CACNA2D1: variants seen among roughly 807,000 people sequenced by gnomAD.
CACNA2D1 encodes the protein calcium voltage-gated channel auxiliary subunit alpha2delta 1.
A neutral mutation model predicts 171.5 loss-of-function variants in CACNA2D1; 53 were observed. The ratio of observed to expected loss-of-function variants is 0.31; its 90% CI spans 0.25 to 0.39. The LOEUF (loss-of-function observed/expected upper bound fraction) is 0.39. Ranked by LOEUF, CACNA2D1 falls within the 10% of genes least tolerant of loss-of-function variation. The pLI, the probability that CACNA2D1 is intolerant of heterozygous loss-of-function variation, is 1.00. For missense variants in CACNA2D1, 903 were observed against 1,299.8 expected (o/e 0.69, Z 4.69); for synonymous variants, 442 against 443.1 (o/e 1.00, Z 0.03).
chr7:82,333,020 G>A (rs530578136), intron 3 of CACNA2D1, among the ~76,000 whole-genome samples: 1 of 152,058 alleles, frequency 6.6e-6, no homozygotes, highest in East Asian at 1.9e-4. Context: ...AAGAATAAGA[G>A]GAGCTAAACT....
chr7:81,982,452 T>A, intron 24 of CACNA2D1, 115 bp downstream of exon 24: 1 of 721,512 alleles, frequency 1.4e-6, no homozygotes, highest in Non-Finnish European at 2.5e-6. Context: ...AATTATTTCC[T>A]TTGATTCCAT....
At chr7:81,991,584 G>C (rs1287249064) in intron 20 of CACNA2D1, among the ~76,000 whole-genome samples, 2 of 152,162 alleles carry the variant, frequency 1.3e-5, no homozygotes, top group African/African-American at 2.4e-5. Context: ...AGTATGTTAA[G>C]AGTAATAGGC....
chr7:82,331,616 C>T (rs1054416896), intron 3 of CACNA2D1, among the ~76,000 whole-genome samples: 1 of 152,192 alleles, frequency 6.6e-6, no homozygotes, highest in African/African-American at 2.4e-5. Context: ...AGTATTCTGT[C>T]ATCATGTGCT....
chr7:82,005,714 G>A, intron 17 of CACNA2D1, 51 bp downstream of exon 17: 1 of 1,229,630 alleles, frequency 8.1e-7, no homozygotes, highest in Non-Finnish European at 1.2e-6. Context: ...AGCTAAGTTA[G>A]TACAGAGTTC....
chr7:82,432,930 A>G (rs1483346242), intron 1 of CACNA2D1, among the ~76,000 whole-genome samples: 2 of 151,418 alleles, frequency 1.3e-5, no homozygotes. Flanking sequence ...TCACGCCTGT[A>G]ATCCTAGCAC....
chr7:82,317,031 T>C lies in CACNA2D1; in HGVS notation c.294+18104A>G, dbSNP rs529338968. On this transcript the variant is annotated intron_variant, in intron 3 of 38. Transcript: ENST00000356860. Reference sequence around the variant, plus strand: ...CTAGAAAGTAAATCAGAAAAGGCTGTACAAATGTCATCAAAGCCATGTTAG... The same window carrying C: ...CTAGAAAGTAAATCAGAAAAGGCTGCACAAATGTCATCAAAGCCATGTTAG... Among the ~76,000 whole-genome samples, 38 of 152,320 alleles carry C rather than the reference T, an allele frequency of 2.5e-4. No homozygotes were observed. The Middle Eastern group carries it at 0.02, about 82-fold the overall frequency.
intron 1 of CACNA2D1, among the ~76,000 whole-genome samples, chr7:82,403,405 T>C (rs1057023887): frequency 2.0e-5 from 3 of 152,184 alleles, no homozygotes; most frequent in African/African-American, 4.8e-5. Context: ...GGTTGTAAAG[T>C]CTCTAAAAGT....
intron 3 of CACNA2D1, among the ~76,000 whole-genome samples, chr7:82,211,252 T>C (rs73164224): frequency 0.018 from 2,714 of 152,258 alleles, 48 homozygotes; most frequent in Non-Finnish European, 0.028. Flanking sequence ...TGCAGGTTTG[T>C]TACATGGGTA....
intron 10 of CACNA2D1, among the ~76,000 whole-genome samples, chr7:82,051,301 C>T (rs908516113): frequency 4.6e-5 from 7 of 152,116 alleles, no homozygotes; most frequent in African/African-American, 1.4e-4. Context: ...TTTCCAGCCT[C>T]CTATTTAGCT....
At chr7:82,246,849 T>TA (rs1325108618) in intron 3 of CACNA2D1, among the ~76,000 whole-genome samples, 2 of 152,168 alleles carry the variant, frequency 1.3e-5, no homozygotes, top group African/African-American at 4.8e-5. Context: ...GTCAGTATTG[T>TA]ATATCAACAT....
At chr7:82,373,613 C>G (rs1014823025) in intron 1 of CACNA2D1, among the ~76,000 whole-genome samples, 2 of 152,102 alleles carry the variant, frequency 1.3e-5, no homozygotes. Context: ...CTCCACCCAC[C>G]CATTGACTTC....
At chr7:82,247,734 T>G (rs1457736973) in intron 3 of CACNA2D1, among the ~76,000 whole-genome samples, 1 of 152,156 alleles carries the variant, frequency 6.6e-6, no homozygotes, top group African/African-American at 2.4e-5. Context: ...GTTTTTAAAT[T>G]TTCCTTAAAA....
chr7:82,211,723 C>G (rs938128722), intron 3 of CACNA2D1, among the ~76,000 whole-genome samples: 5 of 151,970 alleles, frequency 3.3e-5, no homozygotes, highest in African/African-American at 1.2e-4. Context: ...GGTTGTATAC[C>G]CAGTAATGAG....
intron 1 of CACNA2D1, among the ~76,000 whole-genome samples, chr7:82,361,856 G>A (rs1396244039): frequency 6.6e-6 from 1 of 152,088 alleles, no homozygotes; most frequent in Non-Finnish European, 1.5e-5. Context: ...CTCTTATGGG[G>A]TAGCAAATGT....
chr7:82,026,513 C>T (rs1801937624), intron 12 of CACNA2D1, among the ~76,000 whole-genome samples: 1 of 151,476 alleles, frequency 6.6e-6, no homozygotes, highest in Admixed American at 6.6e-5. Context: ...TACACATTGG[C>T]CATTTGAAAG....
At chr7:82,300,009 C>T (rs925930048) in intron 3 of CACNA2D1, among the ~76,000 whole-genome samples, 1 of 152,000 alleles carries the variant, frequency 6.6e-6, no homozygotes, top group African/African-American at 2.4e-5. Flanking sequence ...ATGAAACAAA[C>T]AAAAACTTGA....
In CACNA2D1 at chr7:82,192,639, A is replaced by G. The variant is rs888387834; in HGVS notation, c.295-22030T>C. 2.0e-5 allele frequency among the ~76,000 whole-genome samples: 3 copies of G among 151,036 alleles called. No individual in the cohort carries two copies. In the Admixed American group the frequency reaches 2.0e-4, roughly 10 times the overall value. On this transcript the variant is annotated intron_variant, in intron 3 of 38. Coordinates refer to ENST00000356860, the MANE Select transcript of CACNA2D1 (RefSeq NM_000722.4). ...TTCAAGATGTGTAAGTATTAAATGA[A>G]CTCTCTTTGACTGAGCCAACTGCCT... is the stretch of plus-strand genomic sequence containing the variant.
At chr7:82,411,963 C>G (rs975760950) in intron 1 of CACNA2D1, among the ~76,000 whole-genome samples, 1 of 151,642 alleles carries the variant, frequency 6.6e-6, no homozygotes, top group Non-Finnish European at 1.5e-5. Flanking sequence ...CCAAAAAACC[C>G]TCTTTCATAG....
At chr7:82,016,617 C>T (rs1261925903) in intron 12 of CACNA2D1, among the ~76,000 whole-genome samples, 8 of 122,100 alleles carry the variant, frequency 6.6e-5, no homozygotes, top group African/African-American at 2.4e-4. Flanking sequence ...CCCGCCCCCC[C>T]CCCCCAAAAA....
Sources: allele counts gnomAD v4.1 joint callset (sites outside exome capture counted in the v4.1 genomes callset), GRCh38; gene constraint gnomAD v4.1.1; transcripts MANE v1.5; gene names NCBI Gene and HGNC (gene_info 2026-07-23, HGNC 2026-07-21).